ATP6V1E1: variants seen among roughly 807,000 people sequenced by gnomAD.
The protein encoded by ATP6V1E1 is ATPase H+ transporting V1 subunit E1, also known as V-type proton ATPase subunit E 1.
A neutral mutation model predicts 35.2 loss-of-function variants in ATP6V1E1; 21 were observed. The observed-to-expected ratio is 0.60, with a 90% CI of 0.42 to 0.86. The LOEUF (loss-of-function observed/expected upper bound fraction) is 0.86, where lower values mean the gene tolerates loss of function less well. Among genes scored for constraint, ATP6V1E1 ranks in the 40% least tolerant of loss-of-function variants. The probability of loss-of-function intolerance (pLI) is 0.00; values close to 1 mark genes in which losing one functional copy is unlikely to be tolerated. For missense variants in ATP6V1E1, 183 were observed against 272.6 expected, an observed-to-expected ratio of 0.67 and a Z score of 2.32; for synonymous variants, 83 against 87.8, an observed-to-expected ratio of 0.95 and a Z score of 0.30.
intron 7 of ATP6V1E1, among the ~76,000 whole-genome samples, chr22:17,597,387 C>T (rs989731660): frequency 2.0e-5 from 3 of 151,968 alleles, no homozygotes; most frequent in African/African-American, 7.3e-5. Flanking sequence ...CCCAGCTACA[C>T]AAAGCTTGTT....
At chr22:17,594,467 T>C in intron 8 of ATP6V1E1, 62 bp downstream of exon 8, 1 of 1,267,404 alleles carries the variant, frequency 7.9e-7, no homozygotes, top group Non-Finnish European at 1.1e-6. Context: ...AATGGACACG[T>C]GTTCTCTGTC....
rs187778731 is a variant in ATP6V1E1 at position 17,627,191 on chromosome 22, G to A, written c.33+1412C>T. Among the ~76,000 whole-genome samples, 26 of 150,470 alleles carry A rather than the reference G, an allele frequency of 1.7e-4. No homozygotes were observed. The East Asian group carries it at 3.2e-3, about 18-fold the overall frequency. On this transcript the variant is annotated intron_variant, in intron 1 of 8. Coordinates refer to ENST00000253413, the MANE Select transcript of ATP6V1E1 (RefSeq NM_001696.4). ...TTTTATTTTTTTGAGAGGGAGTCTCGCTCTGCCGCCCAGGGTCGCTCGGCC... is the reference window on the plus strand; with the variant it reads ...TTTTATTTTTTTGAGAGGGAGTCTCACTCTGCCGCCCAGGGTCGCTCGGCC...
At chr22:17,620,984 C>A (rs1412098411) in intron 1 of ATP6V1E1, among the ~76,000 whole-genome samples, 1 of 152,046 alleles carries the variant, frequency 6.6e-6, no homozygotes, top group African/African-American at 2.4e-5. Context: ...ATGGCGTGAA[C>A]CCGGGAGGCG....
chr22:17,593,429 C>T (rs2057715112), intron 8 of ATP6V1E1, among the ~76,000 whole-genome samples: 1 of 152,170 alleles, frequency 6.6e-6, no homozygotes, highest in Non-Finnish European at 1.5e-5. Flanking sequence ...AGAACACTTC[C>T]AATGCCAGCT....
At chr22:17,603,964 G>A (rs967375223) in intron 4 of ATP6V1E1, among the ~76,000 whole-genome samples, 2 of 152,172 alleles carry the variant, frequency 1.3e-5, no homozygotes, top group African/African-American at 2.4e-5. Context: ...GTCAACTTGT[G>A]GAGCGTGCTA....
chr22:17,614,710 T>C (rs1195793037), intron 2 of ATP6V1E1, among the ~76,000 whole-genome samples: 1 of 149,678 alleles, frequency 6.7e-6, no homozygotes, highest in African/African-American at 2.5e-5. Flanking sequence ...GGCTCACACC[T>C]GTAATCCCAG....
rs1000920470 is a variant in ATP6V1E1 at position 17,623,455 on chromosome 22, G to A, written c.34-3929C>T. Among the ~76,000 whole-genome samples the A allele has an allele frequency of 5.9e-5, 9 of 152,088 alleles. No homozygotes were observed. In the South Asian group the frequency reaches 8.3e-4, roughly 14 times the overall value. The stretch of plus-strand genomic sequence containing the variant: ...TGGGAGGCCAATCCGGGTGGATCAC[G>A]AGGTCAGGAGTTCAAGACCAGCCTG... On this transcript the variant is annotated intron_variant, in intron 1 of 8. Coordinates refer to ENST00000253413, the MANE Select transcript of ATP6V1E1 (RefSeq NM_001696.4).
intron 2 of ATP6V1E1, among the ~76,000 whole-genome samples, chr22:17,617,130 A>G (rs2057850370): frequency 6.6e-6 from 1 of 152,060 alleles, no homozygotes; most frequent in Non-Finnish European, 1.5e-5. Flanking sequence ...GTTATGTATT[A>G]GTGAGAGGGA....
At chr22:17,605,693 C>CTCT (rs754638458) in intron 4 of ATP6V1E1, among the ~76,000 whole-genome samples, 174 of 103,980 alleles carry the variant, frequency 1.7e-3, no homozygotes, top group East Asian at 0.011. Flanking sequence ...AGATGTTTCT[C>CTCT]TTTTTTTTTT....
intron 4 of ATP6V1E1, among the ~76,000 whole-genome samples, chr22:17,609,917 T>C (rs574974484): frequency 1.3e-5 from 2 of 152,310 alleles, no homozygotes; most frequent in African/African-American, 4.8e-5. Flanking sequence ...ATTTGATAAA[T>C]GAATGAATGA....
intron 4 of ATP6V1E1, among the ~76,000 whole-genome samples, chr22:17,607,380 T>C (rs2057792205): frequency 1.3e-5 from 2 of 152,008 alleles, no homozygotes; most frequent in African/African-American, 4.8e-5. Context: ...ATGATCTCGA[T>C]CTCCTGACCT....
chr22:17,597,583 A>G (rs1460754457), intron 7 of ATP6V1E1, among the ~76,000 whole-genome samples: 1 of 151,994 alleles, frequency 6.6e-6, no homozygotes, highest in African/African-American at 2.4e-5. Flanking sequence ...CCTAGCTTTC[A>G]TTCTGGGGGC....
intron 4 of ATP6V1E1, among the ~76,000 whole-genome samples, chr22:17,609,123 AAACAAAC>A (rs2057801493): frequency 2.7e-5 from 4 of 150,934 alleles, no homozygotes; most frequent in Admixed American, 1.3e-4. Context: ...ACAAACAAAC[AAACAAAC>A]AAACAAAAAT....
intron 5 of ATP6V1E1, among the ~76,000 whole-genome samples, chr22:17,600,329 CA>C (rs1286903012): frequency 1.3e-5 from 2 of 152,052 alleles, no homozygotes; most frequent in East Asian, 3.9e-4. Context: ...CCAGATTACT[CA>C]GGAGGCTGAG....
intron 4 of ATP6V1E1, among the ~76,000 whole-genome samples, chr22:17,607,077 T>G (rs1371904407): frequency 1.3e-5 from 2 of 152,150 alleles, no homozygotes; most frequent in East Asian, 1.9e-4. Flanking sequence ...CCTAACAGAC[T>G]CATAGAGCTT....
chr22:17,628,759 T>G, upstream of ATP6V1E1: 31 of 1,297,120 alleles, frequency 2.4e-5, no homozygotes, highest in Non-Finnish European at 2.9e-5. Flanking sequence ...TAACCGCGGG[T>G]TCCGGTTCCT....
chr22:17,620,290 G>A (rs1342002019), intron 1 of ATP6V1E1, among the ~76,000 whole-genome samples: 2 of 151,870 alleles, frequency 1.3e-5, no homozygotes, highest in Admixed American at 1.3e-4. Flanking sequence ...TGGGACTACA[G>A]GCGCCCGCCA....
At chr22:17,602,107 A>G (rs374633949) in intron 4 of ATP6V1E1, among the ~76,000 whole-genome samples, 21 of 151,986 alleles carry the variant, frequency 1.4e-4, no homozygotes, top group African/African-American at 4.6e-4. Flanking sequence ...GAGTCTTGCT[A>G]TATTACCCAG....
chr22:17,592,737 C>A lies in ATP6V1E1; in HGVS notation c.619-1G>T. The A allele has an allele frequency of 6.2e-7, 1 of 1,611,942 alleles. No individual in the cohort carries two copies. Among genetic ancestry groups the A allele is most frequent in the Non-Finnish European group, 8.5e-7 (1 of 1,178,700 alleles). Reference sequence around the variant, plus strand: ...AGGCTCCCCGGACTTCTGGCATCATCTGTGGAGAGAAAGTGTAATAAATAC... The same window carrying A: ...AGGCTCCCCGGACTTCTGGCATCATATGTGGAGAGAAAGTGTAATAAATAC... On this transcript the variant is annotated splice_acceptor_variant, in intron 8 of 8. Transcript: ENST00000253413. LOFTEE classifies it high-confidence loss of function.
Sources: allele counts gnomAD v4.1 joint callset (sites outside exome capture counted in the v4.1 genomes callset), GRCh38; gene constraint gnomAD v4.1.1; transcripts MANE v1.5; gene names NCBI Gene and HGNC (gene_info 2026-07-23, HGNC 2026-07-21).